The following PPP4R3B variants were observed in gnomAD, a reference collection of about 807,000 sequenced individuals.
PPP4R3B encodes the protein serine/threonine-protein phosphatase 4 regulatory subunit 3B.
Under a neutral mutation model 95.4 loss-of-function variants are expected in PPP4R3B, and 52 were observed. The ratio of observed to expected loss-of-function variants is 0.54; its 90% CI spans 0.44 to 0.69. The LOEUF is 0.69. Ranked by LOEUF, PPP4R3B falls within the 30% of genes least tolerant of loss-of-function variation. PPP4R3B has a pLI of 0.00. For missense variants in PPP4R3B, 1,003 were observed against 1,005.9 expected, an observed-to-expected ratio of 1.00 and a Z score of 0.04; for synonymous variants, 407 against 343.9, an observed-to-expected ratio of 1.18 and a Z score of -2.03.
chr2:55,577,339 T>C lies in PPP4R3B; in HGVS notation c.1582A>G (p.Asn528Asp). 6.5e-7 allele frequency: 1 copy of C among 1,545,922 alleles called. No individual in the cohort carries two copies. The highest frequency in any genetic ancestry group is 2.4e-5 in the East Asian group (1 of 42,270). Reference protein sequence around the residue: ...SISQDNIVGSNKNNTICPDNY... With the variant: ...SISQDNIVGSDKNNTICPDNY... Reference sequence around the variant, plus strand: ...CCGGGACAAATTGTGTTGTTTTTGTTTGATCCAACTATATTATCTAATAAA... The same window carrying C: ...CCGGGACAAATTGTGTTGTTTTTGTCTGATCCAACTATATTATCTAATAAA... The change falls in exon 11 of 17, where the codon AAC becomes GAC. Residue 528 changes from asparagine (N) to aspartate (D), a missense_variant. Physicochemically the swap from Asn to Asp is conservative, Grantham distance 23. This residue lies in a region of PPP4R3B where 695 missense variants were observed against 686.2 expected (regional missense o/e 1.01). Transcript: ENST00000616407.
At chr2:55,616,902 GAGGGACT>G (rs1559070843) in intron 1 of PPP4R3B, among the ~76,000 whole-genome samples, 1 of 152,138 alleles carries the variant, frequency 6.6e-6, no homozygotes, top group African/African-American at 2.4e-5. Context: ...TTCAAAAGAG[GAGGGACT>G]GGAAAGGAAG....
intron 11 of PPP4R3B, 33 bp downstream of exon 11, chr2:55,577,282 G>T: frequency 6.5e-7 from 1 of 1,531,346 alleles, no homozygotes; most frequent in Non-Finnish European, 8.7e-7. Context: ...TTTATAATTT[G>T]CATGTATTCA....
chr2:55,614,593 T>A (rs374043681), intron 2 of PPP4R3B: 3 of 152,274 alleles, frequency 2.0e-5, no homozygotes, highest in African/African-American at 7.2e-5. Context: ...TAAAAGCATG[T>A]ACACAAAGAA....
At chr2:55,608,197 G>T (rs758507565) in intron 2 of PPP4R3B, among the ~76,000 whole-genome samples, 39 of 152,122 alleles carry the variant, frequency 2.6e-4, no homozygotes, top group Admixed American at 5.9e-4. Flanking sequence ...TAGAGACAGG[G>T]TTTCACCATG....
intron 2 of PPP4R3B, among the ~76,000 whole-genome samples, chr2:55,604,817 T>G (rs78368803): frequency 7.7e-6 from 1 of 130,096 alleles, no homozygotes; most frequent in East Asian, 2.4e-4. Flanking sequence ...CACACACACA[T>G]ACACACAAAT....
At chr2:55,588,807 C>A in intron 5 of PPP4R3B, 72 bp downstream of exon 5, 1 of 974,654 alleles carries the variant, frequency 1.0e-6, no homozygotes, top group Non-Finnish European at 1.5e-6. Flanking sequence ...CTCAAGTTAG[C>A]AAATTCAAGA....
chr2:55,573,798 A>T (rs748229291), intron 11 of PPP4R3B, 21 bp from the exon 12 acceptor site: 1 of 1,425,642 alleles, frequency 7.0e-7, no homozygotes, highest in African/African-American at 1.5e-5. Flanking sequence ...AAGTAATCTC[A>T]TGAAAATAAA....
At chr2:55,573,049 T>G (rs1310741475) in intron 12 of PPP4R3B, among the ~76,000 whole-genome samples, 1 of 152,128 alleles carries the variant, frequency 6.6e-6, no homozygotes, top group African/African-American at 2.4e-5. Flanking sequence ...AAAAAAGAAA[T>G]AATGCAGACA....
intron 3 of PPP4R3B, among the ~76,000 whole-genome samples, chr2:55,599,644 G>C (rs1410521984): frequency 6.6e-6 from 1 of 152,102 alleles, no homozygotes; most frequent in Non-Finnish European, 1.5e-5. Flanking sequence ...ACGTCTCAGA[G>C]ACAGCCAATG....
intron 11 of PPP4R3B, among the ~76,000 whole-genome samples, chr2:55,574,089 C>T (rs1688345573): frequency 6.6e-6 from 1 of 151,212 alleles, no homozygotes; most frequent in Non-Finnish European, 1.5e-5. Context: ...GATGGGGCCT[C>T]ACTATGTTGT....
In PPP4R3B at chr2:55,573,780, A is replaced by G; in HGVS notation, c.1607-3T>C. ...TAGCTGTGCTGTTTGATAATTATCT[A>G]CAAAAGAAAGTAATCTCATGAAAAT... On this transcript the variant is annotated splice_region_variant and splice_polypyrimidine_tract_variant and intron_variant, in intron 11 of 16. Coordinates refer to ENST00000616407, the MANE Select transcript of PPP4R3B (RefSeq NM_001122964.3). 6.7e-7 allele frequency: 1 copy of G among 1,494,646 alleles called. No individual in the cohort carries two copies. Among genetic ancestry groups the G allele is most frequent in the Non-Finnish European group, 8.9e-7 (1 of 1,126,374 alleles). 92.6% of individuals were successfully genotyped at this position (1,494,646 alleles called of 1,614,324 possible).
chr2:55,615,326 T>C (rs1694741877), intron 2 of PPP4R3B, 125 bp downstream of exon 2: 1 of 751,818 alleles, frequency 1.3e-6, no homozygotes, highest in East Asian at 2.7e-5. Context: ...GCAAGAGAAA[T>C]ACACATGATC....
At chr2:55,614,009 G>A (rs1160122715) in intron 2 of PPP4R3B, among the ~76,000 whole-genome samples, 1 of 151,940 alleles carries the variant, frequency 6.6e-6, no homozygotes, top group Admixed American at 6.6e-5. Context: ...TTCAATTCAG[G>A]ACAAATGTTT....
intron 7 of PPP4R3B, among the ~76,000 whole-genome samples, chr2:55,581,912 AAG>A (rs1040441664): frequency 5.0e-5 from 7 of 139,676 alleles, no homozygotes; most frequent in South Asian, 4.9e-4. Context: ...AGAAAAAAAA[AAG>A]AAGAAGGAGG....
At chr2:55,575,142 G>A (rs929605036) in intron 11 of PPP4R3B, among the ~76,000 whole-genome samples, 8 of 151,414 alleles carry the variant, frequency 5.3e-5, no homozygotes, top group Middle Eastern at 3.4e-3. Context: ...GGGTTTCACC[G>A]TGTTAGCCAG....
At chr2:55,577,483 A>G in intron 10 of PPP4R3B, 127 bp from the exon 11 acceptor site, 5 of 1,031,064 alleles carry the variant, frequency 4.8e-6, no homozygotes, top group Non-Finnish European at 6.2e-6. Context: ...ATAACCATAA[A>G]GACTTGGTTG....
chr2:55,573,728 TGTGA>T lies in PPP4R3B; in HGVS notation c.1652_1655del (p.Leu551HisfsTer11). ...GATATGTGTGATGTTCCACACAAAA[TGTGA>T]GTAACTCTAAAATTAAGGCAAGTAG... On this transcript the variant is annotated frameshift_variant, in exon 12 of 17. Transcript: ENST00000616407. LOFTEE classifies it high-confidence loss of function. 6.5e-7 allele frequency: 1 copy of T among 1,541,248 alleles called. No individual in the cohort carries two copies. The highest frequency in any genetic ancestry group is 8.7e-7 in the Non-Finnish European group (1 of 1,144,206).
chr2:55,614,316 C>G (rs375504000), intron 2 of PPP4R3B: 10 of 152,108 alleles, frequency 6.6e-5, no homozygotes, highest in Non-Finnish European at 5.9e-5. Flanking sequence ...TCTCTGCCAT[C>G]GTGACTTTAC....
chr2:55,578,475 T>C, intron 9 of PPP4R3B, 133 bp from the exon 10 acceptor site: 5 of 919,798 alleles, frequency 5.4e-6, no homozygotes, highest in Non-Finnish European at 7.2e-6. Context: ...TGCATTATTT[T>C]CATTTATATA....
Sources: gnomAD v4.1 joint callset for allele counts (sites outside exome capture counted in the v4.1 genomes callset) on GRCh38, gnomAD v4.1.1 for gene constraint, gnomAD v4.1.1 regional missense constraint, MANE v1.5 for transcripts, NCBI Gene and HGNC (gene_info 2026-07-23, HGNC 2026-07-21) for gene names.